The following USP34 variants were observed in gnomAD, a reference collection of about 807,000 sequenced individuals.
The protein encoded by USP34 is ubiquitin carboxyl-terminal hydrolase 34.
Under a neutral mutation model 460.3 loss-of-function variants are expected in USP34, and 70 were observed. That is an observed-to-expected ratio of 0.15 (90% CI 0.13 to 0.19). USP34 has a LOEUF of 0.19. USP34 is among the 10% of genes least tolerant of loss of function. The probability of loss-of-function intolerance (pLI) is 1.00; values close to 1 mark genes in which losing one functional copy is unlikely to be tolerated. For missense variants in USP34, 3,985 were observed against 4,236.2 expected, an observed-to-expected ratio of 0.94 and a Z score of 1.65; for synonymous variants, 1,647 against 1,405.3, an observed-to-expected ratio of 1.17 and a Z score of -3.85.
intron 8 of USP34, among the ~76,000 whole-genome samples, chr2:61,371,502 T>C (rs1163354450): frequency 6.6e-6 from 1 of 151,524 alleles, no homozygotes; most frequent in African/African-American, 2.4e-5. Flanking sequence ...GAAAAAATAC[T>C]TTTGTACAGC....
At position 61,319,156 on chromosome 2, in the gene USP34, G is replaced by C. The variant is rs773400933; in HGVS notation, c.3168+17C>G. 2 of 1,535,932 alleles carry C rather than the reference G, an allele frequency of 1.3e-6. No homozygotes were observed. The highest frequency in any genetic ancestry group is 1.4e-5 in the African/African-American group (1 of 70,106). ...GAACATGGAAAAATAATAACAAACT[G>C]AGAGAAATGTAATTACCTTCTCCAG... On this transcript the variant is annotated intron_variant, in intron 22 of 79. Transcript: ENST00000398571.
At chr2:61,363,910 C>A (rs1187490195) in intron 10 of USP34, among the ~76,000 whole-genome samples, 2 of 152,206 alleles carry the variant, frequency 1.3e-5, no homozygotes, top group Admixed American at 6.5e-5. Flanking sequence ...ATTATCACCA[C>A]TATCTGTACG....
intron 61 of USP34, 152 bp downstream of exon 61, chr2:61,228,493 T>C: frequency 1.8e-6 from 1 of 543,694 alleles, no homozygotes; most frequent in Non-Finnish European, 3.0e-6. Flanking sequence ...AAAATTACAT[T>C]AAAAACATCA....
At chr2:61,394,594 C>T (rs1693459345) in intron 5 of USP34, among the ~76,000 whole-genome samples, 1 of 149,494 alleles carries the variant, frequency 6.7e-6, no homozygotes, top group Non-Finnish European at 1.5e-5. Context: ...AAGTTTTATG[C>T]AGTCACCTAT....
chr2:61,312,079 A>C (rs1174088019), intron 25 of USP34, among the ~76,000 whole-genome samples, 169 bp from the exon 26 acceptor site: 1 of 152,244 alleles, frequency 6.6e-6, no homozygotes, highest in Non-Finnish European at 1.5e-5. Flanking sequence ...TACTGAATCA[A>C]ACGTAACTGC....
chr2:61,435,038 T>C (rs1413030267), intron 1 of USP34, among the ~76,000 whole-genome samples: 1 of 151,998 alleles, frequency 6.6e-6, no homozygotes, highest in Non-Finnish European at 1.5e-5. Flanking sequence ...GCACAGCACC[T>C]CACACCTATA....
At chr2:61,377,383 C>A (rs1692829290) in intron 8 of USP34, among the ~76,000 whole-genome samples, 1 of 151,988 alleles carries the variant, frequency 6.6e-6, no homozygotes. Flanking sequence ...AAACTGATTT[C>A]TATACTAGAT....
intron 2 of USP34, among the ~76,000 whole-genome samples, chr2:61,414,641 C>G (rs866638701): frequency 6.7e-6 from 1 of 150,126 alleles, no homozygotes; most frequent in South Asian, 2.1e-4. Context: ...GACAAAAGCA[C>G]AAACAAAGCG....
intron 19 of USP34, among the ~76,000 whole-genome samples, chr2:61,332,079 G>A (rs1477812734): frequency 3.3e-5 from 5 of 152,058 alleles, no homozygotes; most frequent in South Asian, 2.1e-4. Flanking sequence ...AGGTCAAGTG[G>A]TAGAAAGAAA....
chr2:61,231,223 T>TG (rs1217539936), intron 58 of USP34, among the ~76,000 whole-genome samples: 1 of 151,706 alleles, frequency 6.6e-6, no homozygotes, highest in East Asian at 1.9e-4. Context: ...GACTAGTAGT[T>TG]GTCAGGTATT....
chr2:61,337,251 G>C (rs1390933523), intron 18 of USP34, among the ~76,000 whole-genome samples: 1 of 152,092 alleles, frequency 6.6e-6, no homozygotes, highest in Non-Finnish European at 1.5e-5. Context: ...TAAAATAATA[G>C]AGATACATAA....
At position 61,243,210 on chromosome 2, in the gene USP34, G is replaced by A. The variant is rs780383466; in HGVS notation, c.6628-1391C>T. Among the ~76,000 whole-genome samples the A allele has an allele frequency of 2.0e-5, 3 of 151,442 alleles. No homozygotes were observed. In the South Asian group the frequency reaches 6.3e-4, roughly 32 times the overall value. On this transcript the variant is annotated intron_variant, in intron 51 of 79. Transcript: ENST00000398571. ...TACCCAGGCTGGAGTGCAATGGCGCGATGTCGGCTCACTGCAACCTCCACC... is the reference window on the plus strand; with the variant it reads ...TACCCAGGCTGGAGTGCAATGGCGCAATGTCGGCTCACTGCAACCTCCACC...
intron 48 of USP34, among the ~76,000 whole-genome samples, 166 bp from the exon 49 acceptor site, chr2:61,248,849 G>C (rs190505677): frequency 7.9e-4 from 121 of 152,308 alleles, no homozygotes; most frequent in Non-Finnish European, 1.2e-3. Flanking sequence ...GTGTCTGCCT[G>C]AAACTGAGGA....
At position 61,343,979 on chromosome 2, in the gene USP34, G is replaced by C. The variant is rs1274490393; in HGVS notation, c.2336C>G (p.Ser779Cys). Residue 779 changes from serine (S) to cysteine (C), a missense_variant, in exon 16 of 80, where the codon TCC becomes TGC. This residue lies in a region of USP34 where 716 missense variants were observed against 626.2 expected (regional missense o/e 1.14). Coordinates refer to ENST00000398571, the MANE Select transcript of USP34 (RefSeq NM_014709.4). ...LSADDVSCSS[S>C]QVSAKSEKNM... Reference sequence around the variant, plus strand: ...TTTTTCTGATTTTGCACTAACCTGGGAGCTACTACAACTGACATCATCTGC... The same window carrying C: ...TTTTTCTGATTTTGCACTAACCTGGCAGCTACTACAACTGACATCATCTGC... 4 of 1,613,702 alleles carry C rather than the reference G, an allele frequency of 2.5e-6. No individual in the cohort carries two copies. Among genetic ancestry groups the C allele is most frequent in the Non-Finnish European group, 2.5e-6 (3 of 1,179,886 alleles).
intron 5 of USP34, among the ~76,000 whole-genome samples, chr2:61,385,848 G>T (rs1693127331): frequency 6.7e-6 from 1 of 150,160 alleles, no homozygotes; most frequent in South Asian, 2.1e-4. Flanking sequence ...AAAAACAAAT[G>T]AGCCAGGTGT....
chr2:61,318,168 T>TGAG (rs1216042108), intron 22 of USP34, among the ~76,000 whole-genome samples: 2 of 138,460 alleles, frequency 1.4e-5, no homozygotes, highest in East Asian at 4.3e-4. Context: ...ACTCCAGCCT[T>TGAG]GGAGACAGAG....
intron 65 of USP34, among the ~76,000 whole-genome samples, 185 bp downstream of exon 65, chr2:61,222,434 A>C (rs985405234): frequency 2.6e-5 from 4 of 152,200 alleles, no homozygotes; most frequent in Non-Finnish European, 4.4e-5. Flanking sequence ...TTAGTTGGGA[A>C]AATTATATTC....
intron 15 of USP34, among the ~76,000 whole-genome samples, chr2:61,344,592 C>A (rs1048746655): frequency 6.6e-6 from 1 of 152,130 alleles, no homozygotes; most frequent in African/African-American, 2.4e-5. Flanking sequence ...CATTAATACA[C>A]AGAATATGAA....
chr2:61,307,530 A>G (rs1477480900), intron 27 of USP34, among the ~76,000 whole-genome samples: 3 of 152,130 alleles, frequency 2.0e-5, no homozygotes, highest in African/African-American at 7.2e-5. Context: ...TTTAATAAAT[A>G]AGAGTTTATA....
Sources: gnomAD v4.1 joint callset for allele counts (sites outside exome capture counted in the v4.1 genomes callset) on GRCh38, gnomAD v4.1.1 for gene constraint, gnomAD v4.1.1 regional missense constraint, MANE v1.5 for transcripts, NCBI Gene and HGNC (gene_info 2026-07-23, HGNC 2026-07-21) for gene names.